Variants in CNR1 observed in about 807,000 individuals in gnomAD.
The protein encoded by CNR1 is cannabinoid receptor 1 (brain).
Under a neutral mutation model 23.0 loss-of-function variants are expected in CNR1, and 10 were observed. The ratio of observed to expected loss-of-function variants is 0.43; its 90% confidence interval spans 0.27 to 0.74. The LOEUF is 0.74. Ranked by LOEUF, CNR1 falls within the 30% of genes least tolerant of loss-of-function variation. The probability of loss-of-function intolerance (pLI) is 0.19; values close to 1 mark genes in which losing one functional copy is unlikely to be tolerated. For synonymous variants in CNR1, 271 were observed against 255.2 expected, an observed-to-expected ratio of 1.06 and a Z score of -0.59; for missense variants, 422 against 618.8, an observed-to-expected ratio of 0.68 and a Z score of 3.37.
chr6:88,151,646 T>G (rs563928129), intron 1 of CNR1, among the ~76,000 whole-genome samples: 1 of 151,762 alleles, frequency 6.6e-6, no homozygotes, highest in Non-Finnish European at 1.5e-5. Flanking sequence ...TGCTATATAC[T>G]ATATACTAAT....
At position 88,141,459 on chromosome 6, in the gene CNR1, G is replaced by T. The variant is rs1256391702; in HGVS notation, c.*2397C>A. On this transcript the variant is annotated 3_prime_UTR_variant, in exon 2 of 2. Coordinates refer to ENST00000369501, the MANE Select transcript of CNR1 (RefSeq NM_016083.6). Reference sequence around the variant, plus strand: ...TACGCACAAATGCAGTTTCAAAAATGAATCGTGAAATTTTTCTACCATAAC... The same window carrying T: ...TACGCACAAATGCAGTTTCAAAAATTAATCGTGAAATTTTTCTACCATAAC... 1 of 152,328 alleles carries T rather than the reference G, an allele frequency of 6.6e-6. No individual in the cohort carries two copies. The highest frequency in any genetic ancestry group is 2.4e-5 in the African/African-American group (1 of 41,424). The allele number at this position is 152,328 out of a possible 1,614,324, so 9.4% of individuals were successfully genotyped here.
intron 1 of CNR1, chr6:88,164,159 G>A (rs1456786918): frequency 6.6e-6 from 1 of 152,296 alleles, no homozygotes; most frequent in African/African-American, 2.4e-5. Context: ...ATTTGTGAAA[G>A]GCCAGAATTG....
Position 88,144,769 on chromosome 6 carries a change from A to G in CNR1, c.506T>C (p.Ile169Thr). ...GAAGTCAATGAAGCTGTAGACAAAA[A>G]TGACACTCCCCAGGAGGTCTGCCAC... Reference protein sequence around the residue: ...LAVADLLGSVIFVYSFIDFHV... With the variant: ...LAVADLLGSVTFVYSFIDFHV... Residue 169 changes from isoleucine (I) to threonine (T), a missense_variant, in exon 2 of 2, where the codon ATT becomes ACT. Transcript: ENST00000369501. The surrounding 1 kb of genome is among the most constrained non-coding windows in gnomAD (Gnocchi z 7.8). 5.0e-6 allele frequency: 8 copies of G among 1,614,190 alleles called. No individual in the cohort carries two copies. The highest frequency in any genetic ancestry group is 6.8e-6 in the Non-Finnish European group (8 of 1,180,036).
chr6:88,149,602 C>G (rs1193799871), intron 1 of CNR1, among the ~76,000 whole-genome samples: 1 of 152,230 alleles, frequency 6.6e-6, no homozygotes, highest in Admixed American at 6.5e-5. Flanking sequence ...AAACACCAGG[C>G]TTACTGGCCC....
At chr6:88,150,532 T>A (rs1045322308) in intron 1 of CNR1, among the ~76,000 whole-genome samples, 1 of 152,260 alleles carries the variant, frequency 6.6e-6, no homozygotes, top group African/African-American at 2.4e-5. Context: ...CATATTCGTA[T>A]ATAAAACCTC....
At position 88,144,611 on chromosome 6, in the gene CNR1, G is replaced by A. The variant is rs1329580173; in HGVS notation, c.664C>T (p.Leu222=). 16 of 1,614,210 alleles carry A rather than the reference G, an allele frequency of 9.9e-6. No homozygotes were observed. The highest frequency in any genetic ancestry group is 1.7e-5 in the Admixed American group (1 of 60,034). Residue 222 remains leucine (L), a synonymous_variant, in exon 2 of 2, where the codon CTG becomes TTG. Coordinates refer to ENST00000369501, the MANE Select transcript of CNR1 (RefSeq NM_016083.6). This position sits in a 1 kb window ranked among gnomAD's most constrained non-coding sequence, Gnocchi z 7.8. The stretch of plus-strand genomic sequence containing the variant: ...CTGGTGACAATCCTCTTATAGGCCA[G>A]GGGCCTGTGAATGGATATGTACCTG... ...IDRYISIHRP[L]AYKRIVTRPK...
chr6:88,158,040 T>C (rs1298539737), intron 1 of CNR1, among the ~76,000 whole-genome samples: 3 of 152,212 alleles, frequency 2.0e-5, no homozygotes, highest in Non-Finnish European at 2.9e-5. Context: ...TCACCTACTT[T>C]AGTCGAAATG....
At chr6:88,158,904 A>G (rs1777941711) in intron 1 of CNR1, among the ~76,000 whole-genome samples, 1 of 152,238 alleles carries the variant, frequency 6.6e-6, no homozygotes. Context: ...TTAGCCAGAA[A>G]ATAAGAATAA....
intron 1 of CNR1, among the ~76,000 whole-genome samples, chr6:88,145,902 G>A (rs1488035623): frequency 1.3e-5 from 2 of 152,198 alleles, no homozygotes; most frequent in East Asian, 1.9e-4. Flanking sequence ...TAGCGGGGGA[G>A]GAGGGAGCTA....
chr6:88,160,451 T>C (rs2127768853), intron 1 of CNR1, among the ~76,000 whole-genome samples: 2 of 150,334 alleles, frequency 1.3e-5, no homozygotes, highest in Middle Eastern at 6.8e-3. Flanking sequence ...TTTTTTTTTT[T>C]TGAGGCAGAG....
At chr6:88,164,950 T>G (rs1182145782) in intron 1 of CNR1, among the ~76,000 whole-genome samples, 1 of 152,206 alleles carries the variant, frequency 6.6e-6, no homozygotes, top group Non-Finnish European at 1.5e-5. Flanking sequence ...GGAGGCTTAC[T>G]ATATCAGGAA....
chr6:88,141,036 T>C lies in CNR1; in HGVS notation c.*2820A>G, dbSNP rs971743170. The C allele has an allele frequency of 6.6e-6, 1 of 152,250 alleles. No homozygotes were observed. Among genetic ancestry groups the C allele is most frequent in the African/African-American group, 2.4e-5 (1 of 41,408 alleles). The allele number at this position is 152,250 out of a possible 1,614,324, so 9.4% of individuals were successfully genotyped here. ...TGAACATGTGTGATGGTAAAATGCA[T>C]GGTCAGGGCAAGTACATCATCCTCA... On this transcript the variant is annotated 3_prime_UTR_variant, in exon 2 of 2. Transcript: ENST00000369501.
chr6:88,164,601 G>A (rs1175728467), intron 1 of CNR1, among the ~76,000 whole-genome samples: 1 of 152,144 alleles, frequency 6.6e-6, no homozygotes, highest in Non-Finnish European at 1.5e-5. Flanking sequence ...GGGAAAAAAA[G>A]GACAGAGAAA....
At chr6:88,149,496 A>T (rs1757135869) in intron 1 of CNR1, among the ~76,000 whole-genome samples, 1 of 152,216 alleles carries the variant, frequency 6.6e-6, no homozygotes, top group Admixed American at 6.5e-5. Context: ...AATCAAAGGG[A>T]CACAGAAGAC....
Position 88,143,832 on chromosome 6 carries a change from T to C in CNR1, c.*24A>G. On this transcript the variant is annotated 3_prime_UTR_variant, in exon 2 of 2. Coordinates refer to ENST00000369501, the MANE Select transcript of CNR1 (RefSeq NM_016083.6). ...AGCTTAAAAAAAAAAATTCTTTTCC[T>C]GTGCTGCCAGGGAGGCATCAGGCTC... 2 of 1,569,842 alleles carry C rather than the reference T, an allele frequency of 1.3e-6. No individual in the cohort carries two copies. Among genetic ancestry groups the C allele is most frequent in the Non-Finnish European group, 1.7e-6 (2 of 1,155,680 alleles).
At chr6:88,151,085 A>G (rs1343164741) in intron 1 of CNR1, among the ~76,000 whole-genome samples, 2 of 152,182 alleles carry the variant, frequency 1.3e-5, no homozygotes, top group African/African-American at 4.8e-5. Context: ...TATTACATAT[A>G]TATCAATTCC....
At position 88,143,728 on chromosome 6, in the gene CNR1, G is replaced by A. The variant is rs139613702; in HGVS notation, c.*128C>T. On this transcript the variant is annotated 3_prime_UTR_variant, in exon 2 of 2. Coordinates refer to ENST00000369501, the MANE Select transcript of CNR1 (RefSeq NM_016083.6). The stretch of plus-strand genomic sequence containing the variant: ...CATTAGCAAACTGATAAGTGATCAT[G>A]GTGACAATCACCTTTTCATTGAGCA... 5.2e-3 allele frequency: 3,658 copies of A among 705,968 alleles called. 18 individuals carry two copies. The highest frequency in any genetic ancestry group is 7.0e-3 in the Non-Finnish European group (2,877 of 410,228). The allele number at this position is 705,968 out of a possible 1,614,324, so 43.7% of individuals were successfully genotyped here. A position where few individuals can be genotyped will look rare whatever the true frequency, so the allele number is the denominator to read the frequency against.
intron 1 of CNR1, among the ~76,000 whole-genome samples, chr6:88,146,434 T>C (rs954918867): frequency 5.3e-5 from 8 of 152,158 alleles, no homozygotes; most frequent in African/African-American, 1.7e-4. Flanking sequence ...AGCAGGGATA[T>C]GGAGGAGGCC....
chr6:88,146,513 A>T (rs190263314), intron 1 of CNR1, among the ~76,000 whole-genome samples: 228 of 152,298 alleles, frequency 1.5e-3, no homozygotes, highest in African/African-American at 5.0e-3. Flanking sequence ...CAGGCTGGAG[A>T]GTGTCCAAGG....
Sources: allele counts gnomAD v4.1 joint callset (sites outside exome capture counted in the v4.1 genomes callset), GRCh38; gene constraint gnomAD v4.1.1; non-coding constraint Gnocchi (gnomAD v3.1); transcripts MANE v1.5; gene names NCBI Gene and HGNC (gene_info 2026-07-23, HGNC 2026-07-21).